GET1: variants seen among roughly 807,000 people sequenced by gnomAD.
The protein encoded by GET1 is congenital heart disease 5 protein.
GET1 carries 20 observed loss-of-function variants against 22.6 expected under a neutral mutation model. The ratio of observed to expected loss-of-function variants is 0.89; its 90% CI spans 0.62 to 1.29. The LOEUF is 1.29. Ranked by LOEUF, GET1 falls within the 50% of genes most tolerant of loss-of-function variation. GET1 has a pLI of 0.00. For synonymous variants in GET1, 92 were observed against 83.8 expected (o/e 1.10, Z -0.53); for missense variants, 209 against 219.9 (o/e 0.95, Z 0.31).
chr21:39,406,012 C>G (rs1487152595), exon 5 of GET1: 4 of 1,614,120 alleles, frequency 2.5e-6, no homozygotes, highest in Non-Finnish European at 3.4e-6. Flanking sequence ...CGACTCCTTA[C>G]TTTGCAAAGG....
chr21:39,414,393 G>A (rs73906033), intron 1 of GET1: 31,738 of 152,024 alleles, frequency 0.21, 3,457 homozygotes, highest in Middle Eastern at 0.28. Flanking sequence ...CTGCAGAAGT[G>A]GGCCTAGAAC....
intron 1 of GET1, among the ~76,000 whole-genome samples, chr21:39,418,015 C>T (rs1655156293): frequency 1.3e-5 from 2 of 152,200 alleles, no homozygotes; most frequent in African/African-American, 2.4e-5. Context: ...ATCCACCCAC[C>T]TTGGCCTCCC....
intron 1 of GET1, chr21:39,423,110 A>G (rs2074042452): frequency 6.2e-7 from 1 of 1,613,874 alleles, no homozygotes; most frequent in Non-Finnish European, 8.5e-7. Context: ...GTCTTCAGTA[A>G]CTGGCTGTCA....
intron 4 of GET1, among the ~76,000 whole-genome samples, chr21:39,403,335 TAA>T (rs2038885182): frequency 6.6e-6 from 1 of 152,200 alleles, no homozygotes; most frequent in African/African-American, 2.4e-5. Flanking sequence ...ATTTTTTAAT[TAA>T]TTAGTTTGAC....
intron 1 of GET1, chr21:39,423,138 A>C (rs755750468): frequency 1.2e-6 from 2 of 1,613,786 alleles, no homozygotes; most frequent in Non-Finnish European, 1.7e-6. Context: ...TAAGTTTCCT[A>C]GATAGAGTTC....
At chr21:39,391,646 T>C (rs934580434) in intron 2 of GET1, 123 bp from the exon 3 acceptor site, 110 of 916,420 alleles carry the variant, frequency 1.2e-4, no homozygotes, top group Non-Finnish European at 1.8e-4. Flanking sequence ...CTAAATATGT[T>C]GAGCGATTGT....
chr21:39,393,979 T>G (rs1484233016), intron 4 of GET1, among the ~76,000 whole-genome samples: 1 of 152,208 alleles, frequency 6.6e-6, no homozygotes, highest in Non-Finnish European at 1.5e-5. Flanking sequence ...GATAAATTTT[T>G]TTTAGATATT....
chr21:39,409,978 C>A, downstream of GET1: 1 of 1,451,802 alleles, frequency 6.9e-7, no homozygotes. The surrounding 1 kb of genome is among the most constrained non-coding windows in gnomAD (Gnocchi z 4.2). Flanking sequence ...GTTAAAATTA[C>A]CTTCATATTT....
chr21:39,421,159 G>C (rs2042243518), intron 1 of GET1, among the ~76,000 whole-genome samples: 1 of 149,962 alleles, frequency 6.7e-6, no homozygotes, highest in Admixed American at 6.7e-5. Context: ...CTGGAATGCA[G>C]TGGTGCGATC....
intron 1 of GET1, among the ~76,000 whole-genome samples, chr21:39,424,616 A>C (rs369383816): frequency 6.6e-6 from 1 of 152,252 alleles, no homozygotes; most frequent in East Asian, 1.9e-4. Flanking sequence ...TAATTAGAGT[A>C]TAACATGAGA....
intron 1 of GET1, among the ~76,000 whole-genome samples, chr21:39,421,100 C>T (rs1204714670): frequency 1.4e-5 from 2 of 147,238 alleles, no homozygotes; most frequent in African/African-American, 2.5e-5. Flanking sequence ...TTTAACAATT[C>T]GTTTTTTTTT....
At chr21:39,420,643 T>C (rs964994909) in intron 1 of GET1, 20 of 1,402,092 alleles carry the variant, frequency 1.4e-5, no homozygotes, top group Non-Finnish European at 1.8e-5. Context: ...ATAATAGACA[T>C]AAATAGCTCA....
Position 39,420,757 on chromosome 21 carries a change from T to C in GET1, c.*24-7475T>C, listed in dbSNP as rs199694061. Reference sequence around the variant, plus strand: ...CTTCCACCTGCAGAGTCTTGGTAGCTGTCTGAGCTGCTAAAGTCTTCCGAG... The same window carrying C: ...CTTCCACCTGCAGAGTCTTGGTAGCCGTCTGAGCTGCTAAAGTCTTCCGAG... On this transcript the variant is annotated intron_variant, in intron 1 of 1. Transcript: ENST00000478273. The C allele has an allele frequency of 2.1e-5, 34 of 1,613,678 alleles. No individual in the cohort carries two copies. The South Asian group carries it at 3.1e-4, about 15-fold the overall frequency.
intron 1 of GET1, 91 bp downstream of exon 1, chr21:39,380,577 C>T: frequency 1.3e-6 from 2 of 1,530,898 alleles, no homozygotes; most frequent in Non-Finnish European, 1.8e-6. Flanking sequence ...CTCAACTGGG[C>T]GACTGAAGGC....
At chr21:39,425,108 A>G (rs964936503) in intron 1 of GET1, among the ~76,000 whole-genome samples, 3 of 152,224 alleles carry the variant, frequency 2.0e-5, no homozygotes, top group Non-Finnish European at 4.4e-5. Flanking sequence ...ATGTATTCAT[A>G]TATCTAGATT....
At chr21:39,381,680 C>T (rs925234924) in intron 1 of GET1, among the ~76,000 whole-genome samples, 2 of 152,136 alleles carry the variant, frequency 1.3e-5, no homozygotes, top group Non-Finnish European at 2.9e-5. Flanking sequence ...AGTTTATCAT[C>T]TTTATCATTT....
chr21:39,383,818 G>A (rs1251392543), intron 1 of GET1, among the ~76,000 whole-genome samples: 1 of 152,000 alleles, frequency 6.6e-6, no homozygotes, highest in Admixed American at 6.6e-5. Flanking sequence ...TTGGCTCACT[G>A]CAACCTCCGC....
At chr21:39,380,912 C>T in intron 1 of GET1, 1 of 205,234 alleles carries the variant, frequency 4.9e-6, no homozygotes, top group South Asian at 1.7e-4. Flanking sequence ...CAGGAGCCCA[C>T]ATTCTTGGGG....
At chr21:39,420,723 G>C in intron 1 of GET1, 1 of 1,611,260 alleles carries the variant, frequency 6.2e-7, no homozygotes, top group Non-Finnish European at 8.5e-7. Flanking sequence ...TTTTGTTGAA[G>C]GTGTTTTACT....
Sources: allele counts gnomAD v4.1 joint callset (sites outside exome capture counted in the v4.1 genomes callset), GRCh38; gene constraint gnomAD v4.1.1; non-coding constraint Gnocchi (gnomAD v3.1); transcripts MANE v1.5; gene names NCBI Gene and HGNC (gene_info 2026-07-23, HGNC 2026-07-21).